Variants in XKR9 observed in about 807,000 individuals in gnomAD.
XKR9 encodes XK related 9, also known as XK-related protein 9.
In XKR9, 32 loss-of-function variants were observed where a neutral mutation model predicts 32.0. That is an observed-to-expected ratio of 1.00 (90% confidence interval 0.76 to 1.34). The LOEUF (loss-of-function observed/expected upper bound fraction) is 1.34, where lower values mean the gene tolerates loss of function less well. Among genes scored for constraint, XKR9 ranks in the 40% most tolerant of loss-of-function variants. The pLI is 0.00. For synonymous variants in XKR9, 168 were observed against 143.4 expected (o/e 1.17, Z -1.22); for missense variants, 546 against 429.7 (o/e 1.27, Z -2.39).
At chr8:70,848,347 T>G in the XKR9 span, among the ~76,000 whole-genome samples, 2 of 151,886 alleles carry the variant, frequency 1.3e-5, no homozygotes, top group Non-Finnish European at 2.9e-5. Flanking sequence ...TAGCATCATA[T>G]TGAATGGGGA....
intron 4 of XKR9, among the ~76,000 whole-genome samples, chr8:70,711,660 A>C (rs1040479443): frequency 5.5e-5 from 8 of 146,010 alleles, no homozygotes; most frequent in Admixed American, 3.4e-4. Flanking sequence ...AGGATCAAAA[A>C]ACTATGTATT....
the XKR9 span, among the ~76,000 whole-genome samples, chr8:70,945,430 G>C: frequency 6.6e-6 from 1 of 152,156 alleles, no homozygotes; most frequent in Non-Finnish European, 1.5e-5. Context: ...TTTTGAAAAA[G>C]GGGATCATGG....
the XKR9 span, among the ~76,000 whole-genome samples, chr8:71,025,220 G>T: frequency 6.6e-6 from 1 of 152,130 alleles, no homozygotes; most frequent in African/African-American, 2.4e-5. Flanking sequence ...GGAACTTCCT[G>T]GAGACGAAAT....
At chr8:70,738,788 G>A (rs1480193472), downstream of XKR9, among the ~76,000 whole-genome samples, 1 of 152,176 alleles carries the variant, frequency 6.6e-6, no homozygotes, top group Admixed American at 6.5e-5. Flanking sequence ...TTTTGAGTGA[G>A]TTTCTTAATC....
At position 70,734,484 on chromosome 8, in the gene XKR9, G is replaced by A; in HGVS notation, c.*60G>A. 7.0e-7 allele frequency: 1 copy of A among 1,429,680 alleles called. No homozygotes were observed. Among genetic ancestry groups the A allele is most frequent in the East Asian group, 2.5e-5 (1 of 39,274 alleles). 88.6% of individuals were successfully genotyped at this position (1,429,680 alleles called of 1,614,324 possible). A position where few individuals can be genotyped will look rare whatever the true frequency, so the allele number is the denominator to read the frequency against. On this transcript the variant is annotated 3_prime_UTR_variant, in exon 5 of 5. Transcript: ENST00000408926. ...TGTTTCATTGGTTAGTAAAGAAAAT[G>A]TGTGTTATGTGGGTGTGTTGTCTCT...
the XKR9 span, among the ~76,000 whole-genome samples, chr8:70,987,823 G>T: frequency 6.6e-6 from 1 of 152,138 alleles, no homozygotes; most frequent in Non-Finnish European, 1.5e-5. Flanking sequence ...CACCCCTACA[G>T]CAAACTTCTG....
intron 4 of XKR9, among the ~76,000 whole-genome samples, chr8:70,722,360 G>A (rs1030897309): frequency 3.3e-5 from 5 of 152,050 alleles, no homozygotes; most frequent in Admixed American, 3.3e-4. Flanking sequence ...TGGTTATTTT[G>A]CACATTAGTT....
the XKR9 span, among the ~76,000 whole-genome samples, chr8:70,853,473 T>C: frequency 6.6e-6 from 1 of 151,486 alleles, no homozygotes; most frequent in Admixed American, 6.6e-5. Context: ...TCTATACATC[T>C]ACCTATACAT....
intron 4 of XKR9, among the ~76,000 whole-genome samples, chr8:70,720,755 AT>A (rs1806252128): frequency 6.6e-6 from 1 of 151,916 alleles, no homozygotes; most frequent in African/African-American, 2.4e-5. Context: ...TTGGCCTGAA[AT>A]TTTCTTTTCT....
chr8:70,842,140 A>G, the XKR9 span, among the ~76,000 whole-genome samples: 1 of 152,162 alleles, frequency 6.6e-6, no homozygotes, highest in Non-Finnish European at 1.5e-5. Context: ...TTACTGATTT[A>G]TGTATTTAGA....
chr8:70,686,931 C>T (rs1372569366), intron 3 of XKR9, among the ~76,000 whole-genome samples: 1 of 151,878 alleles, frequency 6.6e-6, no homozygotes, highest in Non-Finnish European at 1.5e-5. Context: ...TATTTATCAC[C>T]TCAAGTATTT....
At chr8:70,835,872 C>T in the XKR9 span, among the ~76,000 whole-genome samples, 1 of 152,034 alleles carries the variant, frequency 6.6e-6, no homozygotes, top group Non-Finnish European at 1.5e-5. Context: ...TGATCTCAAA[C>T]ATTCTTTCAC....
chr8:70,745,632 C>G (rs934737486), intron 2 of XKR9, among the ~76,000 whole-genome samples: 1 of 152,184 alleles, frequency 6.6e-6, no homozygotes, highest in African/African-American at 2.4e-5. Context: ...TCTCCCCTCC[C>G]TTCTTTGAGA....
At chr8:70,957,989 T>C in the XKR9 span, among the ~76,000 whole-genome samples, 1 of 152,042 alleles carries the variant, frequency 6.6e-6, no homozygotes, top group Non-Finnish European at 1.5e-5. Context: ...GCTTCCACCA[T>C]GTTGGCCAGG....
intron 2 of XKR9, among the ~76,000 whole-genome samples, chr8:70,751,178 G>C (rs1264700259): frequency 6.6e-6 from 1 of 152,154 alleles, no homozygotes. Flanking sequence ...GCCCAGGCTG[G>C]AGTGCAGTGG....
chr8:70,679,439 A>G (rs976636620), intron 2 of XKR9, among the ~76,000 whole-genome samples: 4 of 152,172 alleles, frequency 2.6e-5, no homozygotes, highest in African/African-American at 9.7e-5. Context: ...CACATTTTAG[A>G]TGAAGAAAAT....
At chr8:70,777,321 G>C (rs930368002) in intron 2 of XKR9, among the ~76,000 whole-genome samples, 1 of 152,070 alleles carries the variant, frequency 6.6e-6, no homozygotes, top group Non-Finnish European at 1.5e-5. Context: ...ATTCCATGGT[G>C]TATATGTGTC....
the XKR9 span, among the ~76,000 whole-genome samples, chr8:70,866,387 G>T: frequency 2.0e-5 from 3 of 152,162 alleles, no homozygotes; most frequent in Non-Finnish European, 4.4e-5. Context: ...CCAGCATATG[G>T]GGATAGGGAA....
the XKR9 span, among the ~76,000 whole-genome samples, chr8:70,846,309 C>A: frequency 6.6e-6 from 1 of 151,974 alleles, no homozygotes; most frequent in African/African-American, 2.4e-5. Context: ...TTAAGGGAGT[C>A]TTACAATGGG....
Sources: gnomAD v4.1 joint callset for allele counts (sites outside exome capture counted in the v4.1 genomes callset) on GRCh38, gnomAD v4.1.1 for gene constraint, MANE v1.5 for transcripts, NCBI Gene and HGNC (gene_info 2026-07-23, HGNC 2026-07-21) for gene names.